PINX1: variants seen among roughly 807,000 people sequenced by gnomAD.
The protein encoded by PINX1 is PIN2/TERF1-interacting telomerase inhibitor 1.
A neutral mutation model predicts 25.4 loss-of-function variants in PINX1; 34 were observed. That is an observed-to-expected ratio of 1.34 (90% confidence interval 1.02 to 1.78). The LOEUF is 1.78. Ranked by LOEUF, PINX1 falls within the 40% of genes most tolerant of loss-of-function variation. PINX1 has a pLI of 0.00. For synonymous variants in PINX1, 197 were observed against 147.7 expected, an observed-to-expected ratio of 1.33 and a Z score of -2.42; for missense variants, 592 against 404.9, an observed-to-expected ratio of 1.46 and a Z score of -3.97.
rs886739755 is a variant in PINX1, at chr8:10,807,074, G to C, written c.471+13119C>G. Among the ~76,000 whole-genome samples, 4 of 152,022 alleles carry C rather than the reference G, an allele frequency of 2.6e-5. No individual in the cohort carries two copies. The East Asian group carries it at 7.7e-4, about 29-fold the overall frequency. ...GTGGGGGAAATCCTCCCTCATGAAG[G>C]GAGCAAACCAAAACCAAAAGAAAAG... On this transcript the variant is annotated intron_variant, in intron 6 of 6. Transcript: ENST00000314787.
intron 6 of PINX1, among the ~76,000 whole-genome samples, chr8:10,808,431 C>T (rs779059249): frequency 6.6e-6 from 1 of 152,148 alleles, no homozygotes; most frequent in Non-Finnish European, 1.5e-5. Context: ...TTTTTTACAT[C>T]TAGGTGCGTA....
chr8:10,766,578 G>C (rs929262451), intron 6 of PINX1, among the ~76,000 whole-genome samples: 8 of 152,300 alleles, frequency 5.3e-5, no homozygotes, highest in Admixed American at 5.2e-4. Context: ...AGGCCAGCTT[G>C]GGGGCTTCTT....
chr8:10,790,872 G>A (rs1801900772), intron 6 of PINX1, among the ~76,000 whole-genome samples: 1 of 152,100 alleles, frequency 6.6e-6, no homozygotes, highest in East Asian at 1.9e-4. Flanking sequence ...ACTCCCTGCA[G>A]ATGTCTAATG....
At chr8:10,787,569 A>G (rs775297957) in intron 6 of PINX1, 6 of 244,746 alleles carry the variant, frequency 2.5e-5, no homozygotes, top group Non-Finnish European at 4.9e-5. Flanking sequence ...AGAGTTTACA[A>G]TATTATTATC....
At chr8:10,816,906 C>A (rs1797715355) in intron 6 of PINX1, among the ~76,000 whole-genome samples, 1 of 152,168 alleles carries the variant, frequency 6.6e-6, no homozygotes, top group South Asian at 2.1e-4. Context: ...TTCCTCACTG[C>A]TACAGAGGAG....
intron 4 of PINX1, among the ~76,000 whole-genome samples, chr8:10,829,064 G>T (rs946865549): frequency 5.3e-5 from 8 of 152,134 alleles, no homozygotes; most frequent in Admixed American, 1.3e-4. Flanking sequence ...GAGGTGGGTG[G>T]ATCACAAGGT....
At chr8:10,839,404 G>A (rs1380335389) in intron 1 of PINX1, among the ~76,000 whole-genome samples, 1 of 152,242 alleles carries the variant, frequency 6.6e-6, no homozygotes, top group African/African-American at 2.4e-5. Flanking sequence ...TCCGGGGTGG[G>A]TGAAGCAACC....
Position 10,765,642 on chromosome 8 carries a change from A to G in PINX1, c.746T>C (p.Val249Ala). Residue 249 changes from valine to alanine, a missense_variant, in exon 7 of 7, where the codon GTG becomes GCG. By Grantham distance (64) the Val-to-Ala change is moderately conservative (BLOSUM62 0). Coordinates refer to ENST00000314787, the MANE Select transcript of PINX1 (RefSeq NM_017884.6). ...TGCTGGCGCGCTCTTCTTCTTGGCCACTCGCTCCTGGGCCTCGGCCCTCTC... is the reference window on the plus strand; with the variant it reads ...TGCTGGCGCGCTCTTCTTCTTGGCCGCTCGCTCCTGGGCCTCGGCCCTCTC... ...KPERAEAQERVAKKKSAPAEE... is the reference protein window; with the variant it reads ...KPERAEAQERAAKKKSAPAEE... 1.2e-6 allele frequency: 2 copies of G among 1,613,272 alleles called. No homozygotes were observed. Among genetic ancestry groups the G allele is most frequent in the Non-Finnish European group, 1.7e-6 (2 of 1,179,754 alleles).
chr8:10,827,846 G>A (rs187632676), intron 4 of PINX1, among the ~76,000 whole-genome samples: 1 of 148,084 alleles, frequency 6.8e-6, no homozygotes, highest in East Asian at 2.0e-4. Context: ...GGGAGGCAGA[G>A]CTTGCAGCGA....
At chr8:10,834,492 C>G (rs368083833) in intron 2 of PINX1, 174 bp downstream of exon 2, 3 of 933,626 alleles carry the variant, frequency 3.2e-6, no homozygotes, top group East Asian at 2.7e-5. Flanking sequence ...AAAGTTGACA[C>G]TTATGTCCAA....
intron 3 of PINX1, among the ~76,000 whole-genome samples, chr8:10,832,087 G>C (rs1245541589): frequency 2.6e-5 from 4 of 151,938 alleles, no homozygotes; most frequent in Admixed American, 2.0e-4. Context: ...TTCTCACTAG[G>C]GGAAATTCCA....
At chr8:10,824,077 A>G (rs1360513458) in intron 5 of PINX1, among the ~76,000 whole-genome samples, 1 of 151,736 alleles carries the variant, frequency 6.6e-6, no homozygotes, top group East Asian at 1.9e-4. Context: ...ATTATCTACA[A>G]TGCTGAAAAA....
At chr8:10,807,525 G>C (rs1410136302) in intron 6 of PINX1, among the ~76,000 whole-genome samples, 2 of 151,904 alleles carry the variant, frequency 1.3e-5, no homozygotes, top group African/African-American at 4.8e-5. Context: ...CCAAGTGCCT[G>C]GTGAATAAAA....
chr8:10,799,435 T>G (rs1317026956), intron 6 of PINX1, among the ~76,000 whole-genome samples: 1 of 152,216 alleles, frequency 6.6e-6, no homozygotes, highest in Admixed American at 6.5e-5. Context: ...CCTGTTTCCA[T>G]CCTTCTTCTG....
intron 6 of PINX1, among the ~76,000 whole-genome samples, chr8:10,798,242 A>C (rs117884538): frequency 0.024 from 3,636 of 152,316 alleles, 62 homozygotes; most frequent in Non-Finnish European, 0.039. Flanking sequence ...ATGCCCACTG[A>C]AGTGTGCGTG....
At chr8:10,809,846 TTGTA>T (rs1268852380) in intron 6 of PINX1, among the ~76,000 whole-genome samples, 2 of 152,262 alleles carry the variant, frequency 1.3e-5, no homozygotes, top group Admixed American at 1.3e-4. Context: ...TAGTCTGTTT[TTGTA>T]TTGCTATAAA....
intron 6 of PINX1, among the ~76,000 whole-genome samples, chr8:10,801,878 T>C (rs1023399227): frequency 6.6e-6 from 1 of 152,122 alleles, no homozygotes; most frequent in Non-Finnish European, 1.5e-5. Flanking sequence ...ACGGGTATCG[T>C]CCTGGCCCCA....
intron 6 of PINX1, among the ~76,000 whole-genome samples, chr8:10,797,423 G>T (rs952379680): frequency 6.6e-6 from 1 of 152,218 alleles, no homozygotes; most frequent in Non-Finnish European, 1.5e-5. Flanking sequence ...GCCTCAAACA[G>T]TCAACAGTGG....
intron 6 of PINX1, among the ~76,000 whole-genome samples, chr8:10,811,735 G>A (rs959401647): frequency 6.6e-6 from 1 of 152,138 alleles, no homozygotes; most frequent in Non-Finnish European, 1.5e-5. Flanking sequence ...CCTGGGCACC[G>A]GGCCTCCTCA....
Sources: allele counts gnomAD v4.1 joint callset (sites outside exome capture counted in the v4.1 genomes callset), GRCh38; gene constraint gnomAD v4.1.1; transcripts MANE v1.5; gene names NCBI Gene and HGNC (gene_info 2026-07-23, HGNC 2026-07-21).